Variants in CAPN14 observed in about 807,000 individuals in gnomAD.
The protein encoded by CAPN14 is calpain-14.
Under a neutral mutation model 101.3 loss-of-function variants are expected in CAPN14, and 94 were observed. That is an observed-to-expected ratio of 0.93 (90% CI 0.79 to 1.10). The LOEUF is 1.10. CAPN14 is among the 50% of genes least tolerant of loss of function. The pLI is 0.00. For missense variants in CAPN14, 837 were observed against 828.4 expected (o/e 1.01, Z -0.13); for synonymous variants, 338 against 317.9 (o/e 1.06, Z -0.67).
rs1680977443 is a variant in CAPN14 at position 31,187,780 on chromosome 2, A to G, written c.1565T>C (p.Phe522Ser). ...AACCTTTTCAAAGAATTTGGTGAAGAATTCATCCTGCCTTTCATTTTGGTC... is the reference window on the plus strand; with the variant it reads ...AACCTTTTCAAAGAATTTGGTGAAGGATTCATCCTGCCTTTCATTTTGGTC... ...IEDQNERQDE[F>S]FTKFFEKHPE... is the part of the protein sequence containing the mutation. Residue 522 changes from phenylalanine to serine, a missense_variant, in exon 15 of 22, where the codon TTC (phenylalanine) becomes TCC (serine). Transcript: ENST00000403897. The G allele has an allele frequency of 6.4e-7, 1 of 1,551,526 alleles. No homozygotes were observed. Among genetic ancestry groups the G allele is most frequent in the Admixed American group, 2.0e-5 (1 of 50,984 alleles).
At chr2:31,201,764 T>G (rs1427884145) in intron 5 of CAPN14, 98 bp downstream of exon 5, 2 of 1,443,396 alleles carry the variant, frequency 1.4e-6, no homozygotes, top group Non-Finnish European at 1.9e-6. Flanking sequence ...CCTCAGGATC[T>G]CATTTCATAA....
chr2:31,201,153 A>G (rs1303592773), intron 5 of CAPN14, among the ~76,000 whole-genome samples: 1 of 137,690 alleles, frequency 7.3e-6, no homozygotes, highest in East Asian at 2.1e-4. Context: ...GTGTGTGTGC[A>G]TGTGCGTATG....
upstream of CAPN14, among the ~76,000 whole-genome samples, chr2:31,219,132 C>G (rs1467743718): frequency 6.6e-6 from 1 of 152,078 alleles, no homozygotes; most frequent in African/African-American, 2.4e-5. Context: ...TAGGCTCACT[C>G]TATGTCTAAG....
chr2:31,192,235 G>A, intron 10 of CAPN14, 137 bp from the exon 11 acceptor site: 1 of 1,034,714 alleles, frequency 9.7e-7, no homozygotes, highest in African/African-American at 1.6e-5. Context: ...CAGAGTCGGG[G>A]TCCCTTCAAC....
At chr2:31,185,337 T>A (rs1463001575) in intron 16 of CAPN14, among the ~76,000 whole-genome samples, 1 of 152,214 alleles carries the variant, frequency 6.6e-6, no homozygotes, top group Non-Finnish European at 1.5e-5. Flanking sequence ...TAAATACATC[T>A]TCTATTATTA....
chr2:31,184,524 T>C (rs1455099828), intron 16 of CAPN14, among the ~76,000 whole-genome samples: 1 of 152,242 alleles, frequency 6.6e-6, no homozygotes, highest in Non-Finnish European at 1.5e-5. Context: ...GCAATTTGAT[T>C]GAACAGAATA....
chr2:31,221,973 G>A (rs1464043322), upstream of CAPN14, among the ~76,000 whole-genome samples: 1 of 152,130 alleles, frequency 6.6e-6, no homozygotes, highest in Non-Finnish European at 1.5e-5. Context: ...TGTCTAGCAT[G>A]GATGCCTCAG....
chr2:31,213,380 T>C (rs1682491965), intron 1 of CAPN14, among the ~76,000 whole-genome samples: 1 of 152,252 alleles, frequency 6.6e-6, no homozygotes, highest in South Asian at 2.1e-4. Flanking sequence ...CAGCCACACT[T>C]ATCTGTCTGG....
rs560638100 is a variant in CAPN14 at position 31,231,427 on chromosome 2, T to C, written c.-177+2364A>G. On this transcript the variant is annotated intron_variant and NMD_transcript_variant, in intron 1 of 21. Coordinates refer to the CAPN14 transcript ENST00000398824. ...AACATCTTTCTATAAAGTTTTATTA[T>C]TTTTCACATAAAGATCTTGCATATC... is the stretch of plus-strand genomic sequence containing the variant. Among the ~76,000 whole-genome samples, 7 of 152,364 alleles carry C rather than the reference T, an allele frequency of 4.6e-5. 1 individual carries two copies. In the South Asian group the frequency reaches 1.4e-3, roughly 32 times the overall value.
intron 2 of CAPN14, among the ~76,000 whole-genome samples, chr2:31,222,976 A>C (rs1289833413): frequency 3.3e-5 from 5 of 152,202 alleles, no homozygotes; most frequent in Non-Finnish European, 7.3e-5. Context: ...CTCTCCTGCC[A>C]ACTTTCCGCC....
chr2:31,209,544 C>G (rs1462841743), intron 1 of CAPN14, among the ~76,000 whole-genome samples: 1 of 152,176 alleles, frequency 6.6e-6, no homozygotes, highest in African/African-American at 2.4e-5. Flanking sequence ...AAACTCCAAA[C>G]CCCAATCCCT....
intron 14 of CAPN14, 135 bp from the exon 15 acceptor site, chr2:31,187,949 C>T (rs1680989663): frequency 2.7e-6 from 2 of 731,092 alleles, no homozygotes; most frequent in African/African-American, 3.6e-5. Flanking sequence ...AATTTTACAC[C>T]ATAGCATTTA....
At chr2:31,198,919 T>C (rs932723310) in intron 7 of CAPN14, among the ~76,000 whole-genome samples, 6 of 152,210 alleles carry the variant, frequency 3.9e-5, no homozygotes, top group Admixed American at 2.0e-4. Context: ...GATGGAGGTC[T>C]TTTCTCTTAT....
intron 19 of CAPN14, 105 bp downstream of exon 19, chr2:31,177,641 T>C (rs1193180439): frequency 3.8e-6 from 3 of 794,496 alleles, no homozygotes; most frequent in Non-Finnish European, 6.4e-6. Flanking sequence ...AGAGTAACAC[T>C]GCGTATTAGA....
chr2:31,221,284 C>A (rs1319468106), upstream of CAPN14, among the ~76,000 whole-genome samples: 1 of 152,164 alleles, frequency 6.6e-6, no homozygotes, highest in African/African-American at 2.4e-5. Flanking sequence ...TTCTGATTGA[C>A]AAGGACTGCT....
intron 7 of CAPN14, 95 bp downstream of exon 7, chr2:31,199,375 A>T (rs1362324058): frequency 2.0e-5 from 21 of 1,073,548 alleles, no homozygotes; most frequent in Non-Finnish European, 2.9e-5. Flanking sequence ...CCCACTCTCC[A>T]GATGGTACAG....
Position 31,174,373 on chromosome 2 carries a change from C to G in CAPN14, c.*308G>C. 1 of 514,340 alleles carries G rather than the reference C, an allele frequency of 1.9e-6. No homozygotes were observed. The allele number at this position is 514,340 out of a possible 1,614,324, so 31.9% of individuals were successfully genotyped here. On this transcript the variant is annotated 3_prime_UTR_variant, in exon 22 of 22. Coordinates refer to ENST00000403897, the MANE Select transcript of CAPN14 (RefSeq NM_001145122.2). ...AGTGTTGTATGGAGGCTAACCACAC[C>G]AGCTCTGGAGTCAGAATGCTTAGGC... is the stretch of plus-strand genomic sequence containing the variant.
intron 6 of CAPN14, 68 bp from the exon 7 acceptor site, chr2:31,199,600 G>T: frequency 7.7e-7 from 1 of 1,307,088 alleles, no homozygotes; most frequent in Non-Finnish European, 1.1e-6. Flanking sequence ...GTCGTGGGAA[G>T]GCTGTTTGGC....
At chr2:31,204,887 G>A (rs73921590) in intron 2 of CAPN14, among the ~76,000 whole-genome samples, 1,959 of 152,310 alleles carry the variant, frequency 0.013, 54 homozygotes, top group African/African-American at 0.045. Context: ...ATGGCTGGTC[G>A]TGAGTACAGG....
Sources: gnomAD v4.1 joint callset for allele counts (sites outside exome capture counted in the v4.1 genomes callset) on GRCh38, gnomAD v4.1.1 for gene constraint, MANE v1.5 for transcripts, NCBI Gene and HGNC (gene_info 2026-07-23, HGNC 2026-07-21) for gene names.